KIFC3: variants seen among roughly 807,000 people sequenced by gnomAD.
KIFC3 encodes the protein kinesin-like protein KIFC3.
Under a neutral mutation model 101.8 loss-of-function variants are expected in KIFC3, and 60 were observed. The ratio of observed to expected loss-of-function variants is 0.59; its 90% CI spans 0.48 to 0.73. The LOEUF (loss-of-function observed/expected upper bound fraction) is 0.73. KIFC3 is among the 30% of genes least tolerant of loss of function. The probability of loss-of-function intolerance (pLI) is 0.00; values close to 1 mark genes in which losing one functional copy is unlikely to be tolerated. For synonymous variants in KIFC3, 476 were observed against 482.7 expected, an observed-to-expected ratio of 0.99 and a Z score of 0.18; for missense variants, 966 against 1,137.1, an observed-to-expected ratio of 0.85 and a Z score of 2.16.
At chr16:57,843,714 G>A (rs2055856588) in intron 1 of KIFC3, among the ~76,000 whole-genome samples, 3 of 151,968 alleles carry the variant, frequency 2.0e-5, no homozygotes, top group Admixed American at 2.0e-4. Flanking sequence ...GTTGGCAGGA[G>A]CTTCTGAGGG....
At chr16:57,759,624 A>C in intron 18 of KIFC3, 104 bp downstream of exon 18, 2 of 859,716 alleles carry the variant, frequency 2.3e-6, no homozygotes, top group African/African-American at 3.4e-5. Flanking sequence ...AGGTGTAAGA[A>C]CTTTTTAAAA....
At chr16:57,800,984 T>C (rs2149234710) in intron 1 of KIFC3, among the ~76,000 whole-genome samples, 1 of 152,336 alleles carries the variant, frequency 6.6e-6, no homozygotes, top group Non-Finnish European at 1.5e-5. Context: ...CCGTACTTCA[T>C]TATCTCCATC....
intron 1 of KIFC3, chr16:57,813,840 T>G: frequency 2.0e-6 from 2 of 985,370 alleles, no homozygotes; most frequent in Non-Finnish European, 2.4e-6. Flanking sequence ...CAGAACCCCA[T>G]GCTCTCCTGG....
intron 1 of KIFC3, among the ~76,000 whole-genome samples, chr16:57,828,125 C>T (rs76969799): frequency 0.014 from 2,098 of 152,346 alleles, 47 homozygotes; most frequent in African/African-American, 0.048. Flanking sequence ...CCTGAGCAGC[C>T]TCCAGAGGAG....
chr16:57,798,861 C>T (rs1220077807), intron 1 of KIFC3, among the ~76,000 whole-genome samples: 5 of 152,218 alleles, frequency 3.3e-5, no homozygotes, highest in African/African-American at 1.2e-4. Flanking sequence ...CTAGCCTGCG[C>T]TCTGTGCCTA....
chr16:57,785,375 A>G (rs1360808318), intron 3 of KIFC3: 1 of 727,290 alleles, frequency 1.4e-6, no homozygotes, highest in Non-Finnish European at 1.9e-6. Flanking sequence ...TTACACCAGT[A>G]GCCTGGTGGG....
At chr16:57,803,366 T>C, upstream of KIFC3, 1 of 616,150 alleles carries the variant, frequency 1.6e-6, no homozygotes, top group East Asian at 3.4e-5. Flanking sequence ...CCAGCAGCAA[T>C]ATTCTCCCTC....
At chr16:57,852,686 A>G (rs2049492247) in intron 1 of KIFC3, among the ~76,000 whole-genome samples, 3 of 152,222 alleles carry the variant, frequency 2.0e-5, no homozygotes, top group South Asian at 2.1e-4. Context: ...AGTCCTATAC[A>G]TTAATATTTG....
rs140304999 is a variant in KIFC3 at position 57,769,756 on chromosome 16, G to A, written c.1088-31C>T. On this transcript the variant is annotated intron_variant, in intron 8 of 19. Transcript: ENST00000445690. This position sits in a 1 kb window ranked among gnomAD's most constrained non-coding sequence, Gnocchi z 4.3. ...GGGACACTCGGGCTGTGAGGCGGGA[G>A]GGGATGAGGGGCCGCGGCGTGGGGC... The A allele has an allele frequency of 1.5e-5, 24 of 1,612,734 alleles. No individual in the cohort carries two copies. Among genetic ancestry groups the A allele is most frequent in the Middle Eastern group, 3.3e-4 (2 of 6,052 alleles).
At chr16:57,831,058 C>A (rs1157502441) in intron 1 of KIFC3, among the ~76,000 whole-genome samples, 9 of 152,226 alleles carry the variant, frequency 5.9e-5, no homozygotes, top group African/African-American at 2.2e-4. Flanking sequence ...TTACGCCACA[C>A]TTGAGCCTTG....
chr16:57,850,168 G>T (rs891356719), intron 1 of KIFC3, among the ~76,000 whole-genome samples: 1 of 151,986 alleles, frequency 6.6e-6, no homozygotes, highest in African/African-American at 2.4e-5. Context: ...GAGAGACTGA[G>T]GCGGGAGAAT....
chr16:57,802,524 G>T (rs1376728428), upstream of KIFC3: 2 of 985,104 alleles, frequency 2.0e-6, no homozygotes, highest in Non-Finnish European at 1.2e-6. This position sits in a 1 kb window ranked among gnomAD's most constrained non-coding sequence, Gnocchi z 5.0. Context: ...TGATTAACTC[G>T]GGCCGCGGCG....
intron 1 of KIFC3, among the ~76,000 whole-genome samples, chr16:57,854,168 T>C (rs1471347298): frequency 1.3e-5 from 2 of 151,492 alleles, no homozygotes; most frequent in African/African-American, 4.9e-5. Flanking sequence ...TCTCAAACTC[T>C]TGAGTTCAAG....
At chr16:57,790,923 G>A in intron 3 of KIFC3, 5 of 985,276 alleles carry the variant, frequency 5.1e-6, no homozygotes, top group Non-Finnish European at 6.0e-6. Context: ...GCGGGTGGCA[G>A]ACACACCTCT....
chr16:57,788,586 A>G (rs1555618811), intron 3 of KIFC3: 1 of 1,288,874 alleles, frequency 7.8e-7, no homozygotes, highest in Admixed American at 2.3e-5. Flanking sequence ...TGTATTCTCT[A>G]CATTCATGGT....
chr16:57,790,231 C>T (rs927766326), intron 3 of KIFC3, among the ~76,000 whole-genome samples: 3 of 151,732 alleles, frequency 2.0e-5, no homozygotes, highest in South Asian at 4.2e-4. Flanking sequence ...AGGTACACAC[C>T]ACCATGACTG....
At chr16:57,800,342 C>T (rs1555625092) in intron 1 of KIFC3, among the ~76,000 whole-genome samples, 1 of 152,148 alleles carries the variant, frequency 6.6e-6, no homozygotes, top group East Asian at 1.9e-4. Context: ...GATCTAAATA[C>T]GTGGGCCAGC....
chr16:57,792,409 A>C (rs1359678222), intron 3 of KIFC3, among the ~76,000 whole-genome samples: 1 of 152,190 alleles, frequency 6.6e-6, no homozygotes, highest in African/African-American at 2.4e-5. Flanking sequence ...ATTCTAAATA[A>C]TCTGTTGAAC....
At chr16:57,816,344 G>A (rs563364412) in intron 1 of KIFC3, 7 of 1,024,656 alleles carry the variant, frequency 6.8e-6, no homozygotes, top group African/African-American at 1.7e-5. Flanking sequence ...CAGGATCCTG[G>A]GGCCTGCCCC....
Sources: allele counts gnomAD v4.1 joint callset (sites outside exome capture counted in the v4.1 genomes callset), GRCh38; gene constraint gnomAD v4.1.1; non-coding constraint Gnocchi (gnomAD v3.1); transcripts MANE v1.5; gene names NCBI Gene and HGNC (gene_info 2026-07-23, HGNC 2026-07-21).